LHFPL3: variants seen among roughly 807,000 people sequenced by gnomAD.
LHFPL3 encodes LHFPL tetraspan subfamily member 3.
Under a neutral mutation model 19.3 loss-of-function variants are expected in LHFPL3, and 5 were observed. The ratio of observed to expected loss-of-function variants is 0.26; its 90% CI spans 0.14 to 0.54. The LOEUF (loss-of-function observed/expected upper bound fraction) is 0.54, where lower values mean the gene tolerates loss of function less well. LHFPL3 is among the 20% of genes least tolerant of loss of function. The pLI is 0.94. For synonymous variants in LHFPL3, 133 were observed against 126.2 expected (o/e 1.05, Z -0.36); for missense variants, 249 against 307.4 (o/e 0.81, Z 1.42).
chr7:104,860,523 G>A (rs1791598762), intron 2 of LHFPL3, among the ~76,000 whole-genome samples: 2 of 129,232 alleles, frequency 1.5e-5, no homozygotes, highest in Non-Finnish European at 3.4e-5. Context: ...GGGCTGCCCT[G>A]GGGATGCCCC....
chr7:104,782,057 G>A (rs182274209), intron 2 of LHFPL3, among the ~76,000 whole-genome samples: 8 of 152,316 alleles, frequency 5.3e-5, no homozygotes, highest in Admixed American at 3.9e-4. Flanking sequence ...TTCAGGCAGG[G>A]CTCCGCAGGG....
intron 1 of LHFPL3, among the ~76,000 whole-genome samples, chr7:104,552,226 C>G (rs138786846): frequency 1.4e-4 from 22 of 152,292 alleles, no homozygotes; most frequent in African/African-American, 4.6e-4. Flanking sequence ...AAGGCATGAG[C>G]CACATAACCA....
intron 1 of LHFPL3, among the ~76,000 whole-genome samples, chr7:104,413,554 G>A (rs1308192957): frequency 1.3e-5 from 2 of 152,146 alleles, no homozygotes; most frequent in African/African-American, 2.4e-5. Context: ...AAGCTTGTTC[G>A]AGGTCACATA....
intron 2 of LHFPL3, among the ~76,000 whole-genome samples, chr7:104,779,211 G>C (rs1280360256): frequency 6.6e-6 from 1 of 152,100 alleles, no homozygotes; most frequent in Non-Finnish European, 1.5e-5. Context: ...CACCTCATAG[G>C]GTGGTTATGA....
intron 2 of LHFPL3, among the ~76,000 whole-genome samples, chr7:104,900,797 G>T (rs1792467782): frequency 6.6e-6 from 1 of 152,166 alleles, no homozygotes; most frequent in Non-Finnish European, 1.5e-5. Context: ...CTTTGAAAAG[G>T]ATTTGCAAAG....
intron 1 of LHFPL3, among the ~76,000 whole-genome samples, chr7:104,333,592 C>T (rs1584592677): frequency 6.6e-6 from 1 of 152,284 alleles, no homozygotes; most frequent in East Asian, 1.9e-4. Context: ...AGATTTAGTT[C>T]TGCCAAATTC....
intron 1 of LHFPL3, among the ~76,000 whole-genome samples, chr7:104,465,847 G>T (rs988803713): frequency 3.3e-5 from 5 of 152,318 alleles, no homozygotes; most frequent in Middle Eastern, 3.4e-3. Flanking sequence ...TCATTCAGGA[G>T]CATGTTGTTT....
At chr7:104,725,346 T>A (rs558277904) in intron 1 of LHFPL3, among the ~76,000 whole-genome samples, 1 of 152,352 alleles carries the variant, frequency 6.6e-6, no homozygotes, top group East Asian at 1.9e-4. Flanking sequence ...CTAACCTGCC[T>A]GAGCTTATGT....
intron 1 of LHFPL3, among the ~76,000 whole-genome samples, chr7:104,403,636 A>T (rs572043565): frequency 5.8e-4 from 89 of 152,328 alleles, no homozygotes; most frequent in African/African-American, 1.9e-3. Context: ...CTTTGGAGGA[A>T]AAAGAAAGAT....
chr7:104,440,568 C>CATAT (rs750922781), intron 1 of LHFPL3, among the ~76,000 whole-genome samples: 1 of 151,430 alleles, frequency 6.6e-6, no homozygotes, highest in Admixed American at 6.6e-5. Context: ...TATAATAAAA[C>CATAT]ATATATATAT....
intron 1 of LHFPL3, among the ~76,000 whole-genome samples, chr7:104,393,549 C>G (rs929646604): frequency 2.0e-5 from 3 of 151,888 alleles, no homozygotes; most frequent in African/African-American, 7.3e-5. Flanking sequence ...AACCCCGTCT[C>G]TACTAAAAAT....
chr7:104,853,496 G>A (rs1477044119), intron 2 of LHFPL3, among the ~76,000 whole-genome samples: 1 of 147,674 alleles, frequency 6.8e-6, no homozygotes, highest in Non-Finnish European at 1.5e-5. Flanking sequence ...GGACAAAAAT[G>A]CAGACTGCGT....
At chr7:104,576,202 G>A (rs1259342871) in intron 1 of LHFPL3, among the ~76,000 whole-genome samples, 1 of 152,162 alleles carries the variant, frequency 6.6e-6, no homozygotes, top group South Asian at 2.1e-4. Context: ...AAGATCTATG[G>A]ACTCAGGAAA....
intron 1 of LHFPL3, among the ~76,000 whole-genome samples, chr7:104,674,089 A>ATT (rs34190904): frequency 7.2e-6 from 1 of 139,650 alleles, no homozygotes; most frequent in African/African-American, 2.6e-5. Flanking sequence ...TTGCTGCATG[A>ATT]TTTTTTTTTT....
chr7:104,337,183 AAACAACAAC>A (rs573646627), intron 1 of LHFPL3, among the ~76,000 whole-genome samples: 35 of 152,122 alleles, frequency 2.3e-4, no homozygotes, highest in African/African-American at 8.2e-4. Context: ...TAAAACAAAC[AAACAACAAC>A]AACAACAACA....
At chr7:104,504,034 G>A (rs1302176484) in intron 1 of LHFPL3, among the ~76,000 whole-genome samples, 1 of 152,168 alleles carries the variant, frequency 6.6e-6, no homozygotes, top group African/African-American at 2.4e-5. Flanking sequence ...AGAGAAGATA[G>A]TAGTCAAGTC....
At chr7:104,336,507 A>G (rs1789812527) in intron 1 of LHFPL3, among the ~76,000 whole-genome samples, 1 of 151,910 alleles carries the variant, frequency 6.6e-6, no homozygotes, top group Non-Finnish European at 1.5e-5. Context: ...TTTGCTTAAA[A>G]AAAAAAAAAG....
intron 1 of LHFPL3, among the ~76,000 whole-genome samples, chr7:104,493,488 G>A (rs1793397945): frequency 6.6e-6 from 1 of 151,798 alleles, no homozygotes; most frequent in Admixed American, 6.6e-5. Context: ...GAGCCTGCTG[G>A]AGTTTTTCAG....
chr7:104,669,985 A>T (rs1218888383), intron 1 of LHFPL3, among the ~76,000 whole-genome samples: 6 of 152,116 alleles, frequency 3.9e-5, no homozygotes, highest in Admixed American at 3.9e-4. Flanking sequence ...TTTTTTTCCT[A>T]TTGTGGCATA....
Sources: allele counts gnomAD v4.1 joint callset (sites outside exome capture counted in the v4.1 genomes callset), GRCh38; gene constraint gnomAD v4.1.1; transcripts MANE v1.5; gene names NCBI Gene and HGNC (gene_info 2026-07-23, HGNC 2026-07-21).